PELI2: variants seen among roughly 807,000 people sequenced by gnomAD.
PELI2 encodes the protein E3 ubiquitin-protein ligase pellino homolog 2.
In PELI2, 23 loss-of-function variants were observed where a neutral mutation model predicts 42.3. That is an observed-to-expected ratio of 0.54 (90% CI 0.39 to 0.77). PELI2 has a LOEUF of 0.77. Ranked by LOEUF, PELI2 falls within the 30% of genes least tolerant of loss-of-function variation. PELI2 has a pLI of 0.00. For missense variants in PELI2, 463 were observed against 553.2 expected, an observed-to-expected ratio of 0.84 and a Z score of 1.64; for synonymous variants, 245 against 212.2, an observed-to-expected ratio of 1.15 and a Z score of -1.34.
intron 1 of PELI2, among the ~76,000 whole-genome samples, chr14:56,162,696 A>G (rs1292633258): frequency 6.6e-6 from 1 of 152,144 alleles, no homozygotes; most frequent in African/African-American, 2.4e-5. Flanking sequence ...AACTGTTCTT[A>G]TAGTGGTTGT....
chr14:56,174,084 G>A (rs1594609558), intron 1 of PELI2, among the ~76,000 whole-genome samples: 1 of 152,108 alleles, frequency 6.6e-6, no homozygotes. Context: ...TGTATTTTAA[G>A]TAGAGACAGG....
intron 2 of PELI2, among the ~76,000 whole-genome samples, chr14:56,249,288 A>G (rs1446210881): frequency 6.6e-6 from 1 of 152,172 alleles, no homozygotes; most frequent in Non-Finnish European, 1.5e-5. Flanking sequence ...TGCCCTGGGC[A>G]TTAATGGTTC....
At chr14:56,237,068 T>G (rs138577685) in intron 2 of PELI2, among the ~76,000 whole-genome samples, 1 of 152,336 alleles carries the variant, frequency 6.6e-6, no homozygotes, top group Non-Finnish European at 1.5e-5. Context: ...TGTCCCCCTT[T>G]AGCAAATGTC....
At chr14:56,231,076 C>T (rs1295330529) in intron 2 of PELI2, among the ~76,000 whole-genome samples, 3 of 152,146 alleles carry the variant, frequency 2.0e-5, no homozygotes, top group Non-Finnish European at 4.4e-5. Flanking sequence ...TATATATGCA[C>T]CCAATATAAG....
At chr14:56,146,279 C>T (rs1884114591) in intron 1 of PELI2, among the ~76,000 whole-genome samples, 1 of 152,098 alleles carries the variant, frequency 6.6e-6, no homozygotes, top group Non-Finnish European at 1.5e-5. Context: ...TAGTGACAGA[C>T]AATGGAAATG....
chr14:56,228,107 C>T (rs1020862677), intron 2 of PELI2, among the ~76,000 whole-genome samples: 1 of 152,230 alleles, frequency 6.6e-6, no homozygotes, highest in Non-Finnish European at 1.5e-5. Flanking sequence ...GCCATGCTTT[C>T]AAAGAAGGCT....
intron 4 of PELI2, among the ~76,000 whole-genome samples, chr14:56,289,787 C>T (rs1009137457): frequency 6.6e-6 from 1 of 152,176 alleles, no homozygotes; most frequent in Non-Finnish European, 1.5e-5. Context: ...ATAATGACCC[C>T]GACTTGTTGG....
chr14:56,185,035 C>T (rs771299271), intron 2 of PELI2, among the ~76,000 whole-genome samples: 2 of 151,578 alleles, frequency 1.3e-5, no homozygotes, highest in East Asian at 3.9e-4. Context: ...GAATATTTTA[C>T]AATTTTTTAT....
chr14:56,246,470 TC>T (rs1888164228), intron 2 of PELI2, among the ~76,000 whole-genome samples: 1 of 152,174 alleles, frequency 6.6e-6, no homozygotes, highest in Non-Finnish European at 1.5e-5. Context: ...TTTCAACCCT[TC>T]CTCCTGTGTT....
At chr14:56,131,310 C>T (rs1011473447) in intron 1 of PELI2, among the ~76,000 whole-genome samples, 3 of 152,192 alleles carry the variant, frequency 2.0e-5, no homozygotes, top group Non-Finnish European at 4.4e-5. Flanking sequence ...TAGCTTTACA[C>T]TGTATAGTTT....
At chr14:56,254,359 C>A (rs1888451652) in intron 2 of PELI2, among the ~76,000 whole-genome samples, 1 of 148,744 alleles carries the variant, frequency 6.7e-6, no homozygotes, top group African/African-American at 2.5e-5. Flanking sequence ...AGATGCGCCA[C>A]TGCACTCCAG....
chr14:56,161,374 T>C (rs1884759609), intron 1 of PELI2, among the ~76,000 whole-genome samples: 1 of 151,870 alleles, frequency 6.6e-6, no homozygotes, highest in African/African-American at 2.4e-5. Flanking sequence ...TGGCGTGATC[T>C]CAGCTCACTG....
intron 2 of PELI2, among the ~76,000 whole-genome samples, chr14:56,264,803 A>G (rs1888839312): frequency 6.6e-6 from 1 of 152,216 alleles, no homozygotes; most frequent in African/African-American, 2.4e-5. Flanking sequence ...TGTTGCAACA[A>G]GAGGCTCCTA....
intron 2 of PELI2, among the ~76,000 whole-genome samples, chr14:56,202,969 G>T (rs1228003815): frequency 4.0e-5 from 6 of 151,202 alleles, no homozygotes; most frequent in Admixed American, 3.3e-4. Flanking sequence ...AATGCAGTGT[G>T]TCATCATCCC....
intron 2 of PELI2, among the ~76,000 whole-genome samples, chr14:56,247,107 C>G (rs1487291996): frequency 6.6e-6 from 1 of 152,050 alleles, no homozygotes; most frequent in East Asian, 1.9e-4. Context: ...AGAATTGTGT[C>G]TGGTACACAG....
chr14:56,290,194 A>C, intron 4 of PELI2, 74 bp from the exon 5 acceptor site: 1 of 1,231,430 alleles, frequency 8.1e-7, no homozygotes, highest in Non-Finnish European at 1.1e-6. Flanking sequence ...GCAATGTATT[A>C]AAGAAATTCC....
At chr14:56,124,620 T>A (rs2139576253) in intron 1 of PELI2, among the ~76,000 whole-genome samples, 1 of 152,318 alleles carries the variant, frequency 6.6e-6, no homozygotes, top group South Asian at 2.1e-4. Context: ...TGGATTGCAC[T>A]AAGGGATACG....
At chr14:56,132,044 G>A (rs1419786996) in intron 1 of PELI2, among the ~76,000 whole-genome samples, 3 of 152,014 alleles carry the variant, frequency 2.0e-5, no homozygotes, top group African/African-American at 4.8e-5. Context: ...TTAGTAAATT[G>A]AACTGCAAGT....
intron 2 of PELI2, among the ~76,000 whole-genome samples, chr14:56,214,741 C>T (rs1340891726): frequency 6.6e-6 from 1 of 152,124 alleles, no homozygotes; most frequent in Non-Finnish European, 1.5e-5. Flanking sequence ...GTAAGATATA[C>T]ATACAATGAG....
Sources: allele counts gnomAD v4.1 joint callset (sites outside exome capture counted in the v4.1 genomes callset), GRCh38; gene constraint gnomAD v4.1.1; transcripts MANE v1.5; gene names NCBI Gene and HGNC (gene_info 2026-07-23, HGNC 2026-07-21).